The following POLR1B variants were observed in gnomAD, a reference collection of about 807,000 sequenced individuals.
The protein encoded by POLR1B is RNA polymerase I subunit B, also known as DNA-directed RNA polymerase I subunit RPA2.
A neutral mutation model predicts 105.8 loss-of-function variants in POLR1B; 30 were observed. The ratio of observed to expected loss-of-function variants is 0.28; its 90% CI spans 0.21 to 0.38. The LOEUF is 0.38. POLR1B is among the 10% of genes least tolerant of loss of function. The pLI is 1.00. For missense variants in POLR1B, 976 were observed against 1,435.8 expected (o/e 0.68, Z 5.17); for synonymous variants, 485 against 505.1 (o/e 0.96, Z 0.53).
chr2:112,551,432 G>A (rs898472613), intron 5 of POLR1B, among the ~76,000 whole-genome samples: 16 of 152,328 alleles, frequency 1.1e-4, no homozygotes, highest in African/African-American at 3.6e-4. Flanking sequence ...ACAGAGAGCA[G>A]AAGATGCAGA....
chr2:112,558,226 A>G (rs13413001), intron 8 of POLR1B, 145 bp downstream of exon 8: 1 of 523,312 alleles, frequency 1.9e-6, no homozygotes, highest in Non-Finnish European at 3.0e-6. Flanking sequence ...CTATTGGTCT[A>G]AAGGGCTTTA....
At position 112,577,391 on chromosome 2, in the gene POLR1B, CA is replaced by C. The variant is rs757129197; in HGVS notation, c.*1670del. Among the ~76,000 whole-genome samples the C allele has an allele frequency of 3.3e-5, 5 of 151,830 alleles. No homozygotes were observed. The highest frequency in any genetic ancestry group is 1.2e-4 in the African/African-American group (5 of 41,366). ...ATCTCTACAAAAAAAGCAACAACGA[CA>C]AAAAAAATTAGCCAAGCATAGTGGC... On this transcript the variant is annotated 3_prime_UTR_variant, in exon 15 of 15. Transcript: ENST00000263331.
chr2:112,567,847 G>A, intron 10 of POLR1B, 120 bp from the exon 11 acceptor site: 1 of 806,712 alleles, frequency 1.2e-6, no homozygotes, highest in East Asian at 2.6e-5. Context: ...GAGCACCCAA[G>A]GAAGTAGGGC....
At chr2:112,574,093 C>T (rs113646500) in intron 14 of POLR1B, among the ~76,000 whole-genome samples, 4,859 of 152,198 alleles carry the variant, frequency 0.032, 273 homozygotes, top group African/African-American at 0.11. Context: ...GATCCACCTG[C>T]TTCAGCCTCC....
chr2:112,572,657 C>G lies in POLR1B; in HGVS notation c.2170C>G (p.Pro724Ala). The G allele has an allele frequency of 1.2e-6, 2 of 1,613,432 alleles. No homozygotes were observed. The highest frequency in any genetic ancestry group is 1.7e-6 in the Non-Finnish European group (2 of 1,179,576). ...LQTPQSPLVR[P>A]SMYDYYDMDN... is the part of the protein sequence containing the mutation. ...GACTCCTCAGAGTCCCTTGGTGAGA[C>G]CCTCCATGTATGATTATTATGACAT... The change falls in exon 13 of 15, where the codon CCC becomes GCC. Residue 724 changes from proline to alanine, a missense_variant. Pro to Ala is a conservative substitution (Grantham distance 27). Coordinates refer to ENST00000263331, the MANE Select transcript of POLR1B (RefSeq NM_019014.6).
intron 10 of POLR1B, among the ~76,000 whole-genome samples, chr2:112,565,255 T>C (rs1042864930): frequency 6.6e-6 from 1 of 152,224 alleles, no homozygotes; most frequent in Non-Finnish European, 1.5e-5. Flanking sequence ...AGAGCAAAGA[T>C]GTTTAATCAG....
At chr2:112,560,646 T>G (rs1382909329) in intron 9 of POLR1B, among the ~76,000 whole-genome samples, 1 of 152,022 alleles carries the variant, frequency 6.6e-6, no homozygotes, top group Non-Finnish European at 1.5e-5. Flanking sequence ...GGGTCCTCAG[T>G]GGGATTAATA....
intron 3 of POLR1B, among the ~76,000 whole-genome samples, chr2:112,548,653 C>T (rs1448544137): frequency 6.6e-6 from 1 of 151,604 alleles, no homozygotes; most frequent in Non-Finnish European, 1.5e-5. Context: ...CCCTCTCTCA[C>T]CCAGGTTGGA....
Position 112,573,789 on chromosome 2 carries a change from C to T in POLR1B, c.2499C>T (p.Thr833=), listed in dbSNP as rs757495011. The T allele has an allele frequency of 9.9e-6, 16 of 1,613,852 alleles. No homozygotes were observed. The highest frequency in any genetic ancestry group is 1.3e-5 in the Non-Finnish European group (15 of 1,179,900). The stretch of plus-strand genomic sequence containing the variant: ...ATTACAGCTACCTCAACCTCAACAC[C>T]GGGGAAAGTTTTGTGATGTACTATA... The part of the protein sequence containing the change: ...DPYYSYLNLN[T]GESFVMYYKS... Residue 833 remains threonine (T), a synonymous_variant, in exon 14 of 15, where the codon ACC becomes ACT. Coordinates refer to ENST00000263331, the MANE Select transcript of POLR1B (RefSeq NM_019014.6).
chr2:112,568,188 A>T (rs1684404404), intron 11 of POLR1B, 51 bp downstream of exon 11: 1 of 1,520,146 alleles, frequency 6.6e-7, no homozygotes, highest in Non-Finnish European at 9.0e-7. Context: ...TGTATAGTAT[A>T]CAACTTTCAG....
intron 9 of POLR1B, among the ~76,000 whole-genome samples, chr2:112,561,281 C>T (rs1184072263): frequency 1.3e-5 from 2 of 152,086 alleles, no homozygotes; most frequent in Non-Finnish European, 2.9e-5. Context: ...TATCCAACTG[C>T]AGAAAAAGAG....
chr2:112,542,310 C>T (rs939655719), upstream of POLR1B: 1 of 1,528,808 alleles, frequency 6.5e-7, no homozygotes, highest in Admixed American at 2.0e-5. Flanking sequence ...GTTCACTCGA[C>T]GTTTTTGGTT....
chr2:112,571,659 C>T (rs1684597884), intron 12 of POLR1B, among the ~76,000 whole-genome samples: 1 of 152,154 alleles, frequency 6.6e-6, no homozygotes, highest in Non-Finnish European at 1.5e-5. Flanking sequence ...AAGGGTCTCC[C>T]TTTGTGGTTC....
intron 10 of POLR1B, among the ~76,000 whole-genome samples, chr2:112,565,998 A>G (rs1452508013): frequency 6.6e-6 from 1 of 152,124 alleles, no homozygotes; most frequent in Non-Finnish European, 1.5e-5. Context: ...AGCTGAGACT[A>G]CAGGTGTGTA....
rs58054587 is a variant in POLR1B at position 112,569,393 on chromosome 2, C to G, written c.2074+491C>G. ...ACAAATTCTCTTTGTTTTCATTTATCTGAAAATGTCTTTATTTTGCTTCAC... is the reference window on the plus strand; with the variant it reads ...ACAAATTCTCTTTGTTTTCATTTATGTGAAAATGTCTTTATTTTGCTTCAC... On this transcript the variant is annotated intron_variant, in intron 12 of 14. Coordinates refer to ENST00000263331, the MANE Select transcript of POLR1B (RefSeq NM_019014.6). Among the ~76,000 whole-genome samples, 1,248 of 152,208 alleles carry G rather than the reference C, an allele frequency of 8.2e-3. 19 individuals are homozygous for G. The highest frequency in any genetic ancestry group is 0.028 in the African/African-American group (1,182 of 41,532).
rs1191767393 is a variant in POLR1B at position 112,578,312 on chromosome 2, T to C, written c.*2583T>C. ...GTCATCACAGAGCTCTGCCATACTA[T>C]CCTTTTATAGCCATCTCTACCTCTG... On this transcript the variant is annotated 3_prime_UTR_variant, in exon 15 of 15. Coordinates refer to ENST00000263331, the MANE Select transcript of POLR1B (RefSeq NM_019014.6). 6.6e-6 allele frequency among the ~76,000 whole-genome samples: 1 copy of C among 152,140 alleles called. No individual in the cohort carries two copies. The highest frequency in any genetic ancestry group is 2.4e-5 in the African/African-American group (1 of 41,428).
chr2:112,542,231 G>C (rs1019627565), upstream of POLR1B: 1 of 1,535,578 alleles, frequency 6.5e-7, no homozygotes, highest in Non-Finnish European at 8.7e-7. Flanking sequence ...GCGGGGAGAT[G>C]AGTGGGGCGG....
intron 1 of POLR1B, 55 bp from the exon 2 acceptor site, chr2:112,546,957 A>G (rs1683090502): frequency 6.4e-7 from 1 of 1,566,146 alleles, no homozygotes; most frequent in Admixed American, 1.7e-5. Flanking sequence ...GAAGAGTCTT[A>G]GAGAAAAAAT....
At position 112,542,535 on chromosome 2, in the gene POLR1B, C is replaced by T; in HGVS notation, c.41C>T (p.Pro14Leu). The change falls in exon 1 of 15, where the codon CCT becomes CTT. Residue 14 changes from proline to leucine, a missense_variant. Coordinates refer to ENST00000263331, the MANE Select transcript of POLR1B (RefSeq NM_019014.6). ...GSRWRNLPSG[P>L]SLKHLTDPSY... ...CGGTGGCGGAACCTGCCCAGCGGGC[C>T]TAGCCTAAAGCACTTGACTGACCCC... 2 of 1,614,158 alleles carry T rather than the reference C, an allele frequency of 1.2e-6. No homozygotes were observed. The highest frequency in any genetic ancestry group is 1.7e-6 in the Non-Finnish European group (2 of 1,180,042).
Sources: gnomAD v4.1 joint callset for allele counts (sites outside exome capture counted in the v4.1 genomes callset) on GRCh38, gnomAD v4.1.1 for gene constraint, MANE v1.5 for transcripts, NCBI Gene and HGNC (gene_info 2026-07-23, HGNC 2026-07-21) for gene names.